Variants in DLGAP2 observed in about 807,000 individuals in gnomAD.
DLGAP2 encodes disks large-associated protein 2.
A neutral mutation model predicts 100.3 loss-of-function variants in DLGAP2; 26 were observed. The ratio of observed to expected loss-of-function variants is 0.26; its 90% CI spans 0.19 to 0.36. DLGAP2 has a LOEUF of 0.36. Ranked by LOEUF, DLGAP2 falls within the 10% of genes least tolerant of loss-of-function variation. The pLI is 1.00. For missense variants in DLGAP2, 1,858 were observed against 1,453.2 expected (o/e 1.28, Z -4.53); for synonymous variants, 886 against 630.1 (o/e 1.41, Z -6.08).
At position 1,483,571 on chromosome 8, in the gene DLGAP2, A is replaced by G. The variant is rs561842369; in HGVS notation, c.107-17795A>G. 3.5e-4 allele frequency among the ~76,000 whole-genome samples: 47 copies of G among 134,084 alleles called. 1 individual carries two copies. The highest frequency in any genetic ancestry group is 1.1e-3 in the East Asian group (5 of 4,652). The allele number at this position is 134,084 out of a possible 152,430, so 88.0% of individuals were successfully genotyped here. On this transcript the variant is annotated intron_variant, in intron 3 of 14. Coordinates refer to ENST00000637795, the MANE Select transcript of DLGAP2 (RefSeq NM_001346810.2). ...GCAGGACCTGAGGGCGTCTACACAG[A>G]GCAGGGAGGCAGGCGCAGAACGTGA...
At chr8:1,294,785 C>T (rs985189991) in intron 3 of DLGAP2, among the ~76,000 whole-genome samples, 4 of 151,522 alleles carry the variant, frequency 2.6e-5, no homozygotes, top group Non-Finnish European at 5.9e-5. Context: ...AGTAGGATTG[C>T]TTGAGCCTCG....
intron 3 of DLGAP2, among the ~76,000 whole-genome samples, chr8:1,345,258 G>C (rs1801528494): frequency 6.6e-6 from 1 of 151,808 alleles, no homozygotes; most frequent in South Asian, 2.1e-4. Flanking sequence ...AGGGCAGAGT[G>C]TGCGGTCTGT....
At chr8:808,377 T>C (rs1451236769) in intron 1 of DLGAP2, among the ~76,000 whole-genome samples, 1 of 152,158 alleles carries the variant, frequency 6.6e-6, no homozygotes, top group African/African-American at 2.4e-5. Flanking sequence ...CCTTATTTCC[T>C]TTGATGATCA....
At chr8:764,395 T>A (rs1821158620) in intron 1 of DLGAP2, among the ~76,000 whole-genome samples, 1 of 152,176 alleles carries the variant, frequency 6.6e-6, no homozygotes, top group Non-Finnish European at 1.5e-5. Flanking sequence ...AGAGAAGAAA[T>A]GAGATCAAAA....
At chr8:1,217,820 T>C (rs1281908627) in intron 2 of DLGAP2, among the ~76,000 whole-genome samples, 3 of 152,208 alleles carry the variant, frequency 2.0e-5, no homozygotes. Flanking sequence ...AGAGGGTATC[T>C]CATTGTGATT....
chr8:1,451,331 C>G (rs376269834), intron 3 of DLGAP2, among the ~76,000 whole-genome samples: 1 of 152,138 alleles, frequency 6.6e-6, no homozygotes, highest in Non-Finnish European at 1.5e-5. Context: ...CCAAGGCCGG[C>G]ACCCCTTTCC....
chr8:1,538,069 G>C (rs995905994), intron 4 of DLGAP2, among the ~76,000 whole-genome samples: 2 of 152,166 alleles, frequency 1.3e-5, no homozygotes, highest in Non-Finnish European at 1.5e-5. Flanking sequence ...AAGCTGGCCT[G>C]GGGCACCTGC....
At chr8:797,223 A>G (rs1054460452) in intron 1 of DLGAP2, among the ~76,000 whole-genome samples, 3 of 152,110 alleles carry the variant, frequency 2.0e-5, no homozygotes, top group Non-Finnish European at 1.5e-5. Flanking sequence ...AAGATCGCCC[A>G]CCCACCGTCC....
rs1797683991 is a variant in DLGAP2 at position 1,632,899 on chromosome 8, G to C, written c.1663G>C (p.Ala555Pro). The C allele has an allele frequency of 1.9e-6, 3 of 1,613,842 alleles. No individual in the cohort carries two copies. The highest frequency in any genetic ancestry group is 2.5e-6 in the Non-Finnish European group (3 of 1,179,888). ...ESVFSEVESQAMDALDLPGCF... is the reference protein window; with the variant it reads ...ESVFSEVESQPMDALDLPGCF... ...CGTCTTCAGTGAAGTTGAATCTCAG[G>C]CCATGGATGCCCTCGACCTCCCGGG... Residue 555 changes from alanine to proline, a missense_variant, in exon 8 of 15, where the codon GCC (alanine) becomes CCC (proline). Ala to Pro is a conservative substitution (Grantham distance 27). Coordinates refer to ENST00000637795, the MANE Select transcript of DLGAP2 (RefSeq NM_001346810.2).
At chr8:1,340,875 A>G (rs1801401922) in intron 3 of DLGAP2, among the ~76,000 whole-genome samples, 2 of 152,230 alleles carry the variant, frequency 1.3e-5, no homozygotes, top group Admixed American at 1.3e-4. Context: ...AATGTGGTAT[A>G]TGTACACCAT....
chr8:1,532,195 T>C lies in DLGAP2; in HGVS notation c.173-16431T>C, dbSNP rs796305279. 9.2e-5 allele frequency among the ~76,000 whole-genome samples: 14 copies of C among 152,308 alleles called. 1 individual carries two copies. The highest frequency in any genetic ancestry group is 2.9e-4 in the African/African-American group (12 of 41,582). On this transcript the variant is annotated intron_variant, in intron 4 of 14. Coordinates refer to ENST00000637795, the MANE Select transcript of DLGAP2 (RefSeq NM_001346810.2). ...CAGTTCCCAGCCTGATTTTTCCCTTTAGCTTAGTGATATTGGGGCCCAAAG... is the reference window on the plus strand; with the variant it reads ...CAGTTCCCAGCCTGATTTTTCCCTTCAGCTTAGTGATATTGGGGCCCAAAG...
chr8:884,193 C>T (rs982703833), intron 1 of DLGAP2, among the ~76,000 whole-genome samples: 1 of 152,176 alleles, frequency 6.6e-6, no homozygotes, highest in Non-Finnish European at 1.5e-5. Context: ...ATTTCTAGTT[C>T]TGGAACCTTG....
intron 2 of DLGAP2, among the ~76,000 whole-genome samples, chr8:1,254,915 CAG>C (rs1799139971): frequency 1.3e-5 from 2 of 150,916 alleles, no homozygotes; most frequent in Admixed American, 6.6e-5. Context: ...CTCTCCTGCC[CAG>C]GTGCTGTGTG....
chr8:1,634,824 C>T (rs1797730466), intron 8 of DLGAP2, among the ~76,000 whole-genome samples: 1 of 152,118 alleles, frequency 6.6e-6, no homozygotes, highest in African/African-American at 2.4e-5. Context: ...GAGATAAGAA[C>T]CAGTTCTGAG....
chr8:1,323,156 A>G (rs960019861), intron 3 of DLGAP2, among the ~76,000 whole-genome samples: 1 of 151,668 alleles, frequency 6.6e-6, no homozygotes, highest in Non-Finnish European at 1.5e-5. Flanking sequence ...CAGCCTCCTG[A>G]GTAGCTGGGA....
intron 3 of DLGAP2, among the ~76,000 whole-genome samples, chr8:1,439,530 G>A (rs1342624130): frequency 6.6e-6 from 1 of 152,200 alleles, no homozygotes; most frequent in Non-Finnish European, 1.5e-5. Flanking sequence ...CTATGTTGCT[G>A]AGCTGAGATC....
At chr8:1,437,629 C>T (rs1797684521) in intron 3 of DLGAP2, among the ~76,000 whole-genome samples, 2 of 151,818 alleles carry the variant, frequency 1.3e-5, no homozygotes, top group African/African-American at 4.8e-5. Flanking sequence ...AAAGTTATTT[C>T]CCCTCCATCA....
At chr8:1,171,850 G>A (rs902077937) in intron 2 of DLGAP2, among the ~76,000 whole-genome samples, 15 of 152,154 alleles carry the variant, frequency 9.9e-5, no homozygotes, top group Non-Finnish European at 2.1e-4. Flanking sequence ...TTGCCAGTCT[G>A]TGTCTTTTAA....
chr8:838,867 G>A (rs984803196), intron 1 of DLGAP2, among the ~76,000 whole-genome samples: 1 of 152,202 alleles, frequency 6.6e-6, no homozygotes, highest in Non-Finnish European at 1.5e-5. Flanking sequence ...CCTGGGGAGC[G>A]AGAGCATGTC....
Sources: allele counts gnomAD v4.1 joint callset (sites outside exome capture counted in the v4.1 genomes callset), GRCh38; gene constraint gnomAD v4.1.1; transcripts MANE v1.5; gene names NCBI Gene and HGNC (gene_info 2026-07-23, HGNC 2026-07-21).